Variants in ATP8A2 observed in about 807,000 individuals in gnomAD.
ATP8A2 encodes the protein ATPase phospholipid transporting 8A2.
Under a neutral mutation model 165.6 loss-of-function variants are expected in ATP8A2, and 100 were observed. That is an observed-to-expected ratio of 0.60 (90% CI 0.51 to 0.71). The LOEUF is 0.71. Ranked by LOEUF, ATP8A2 falls within the 30% of genes least tolerant of loss-of-function variation. ATP8A2 has a pLI of 0.00. For synonymous variants in ATP8A2, 543 were observed against 548.8 expected, an observed-to-expected ratio of 0.99 and a Z score of 0.15; for missense variants, 1,227 against 1,479.5, an observed-to-expected ratio of 0.83 and a Z score of 2.80.
intron 27 of ATP8A2, among the ~76,000 whole-genome samples, chr13:25,814,620 TAAAAAA>T (rs3981881): frequency 7.7e-6 from 1 of 129,614 alleles, no homozygotes; most frequent in Non-Finnish European, 1.6e-5. Flanking sequence ...AGCATTCAAT[TAAAAAA>T]AAAAAAAAAA....
chr13:25,890,583 A>G (rs1953327005), intron 33 of ATP8A2, among the ~76,000 whole-genome samples: 2 of 152,238 alleles, frequency 1.3e-5, no homozygotes, highest in Admixed American at 6.5e-5. Context: ...TAAAGTCTCT[A>G]TCAGACAGAA....
chr13:25,468,135 A>G (rs1258249171), intron 1 of ATP8A2, among the ~76,000 whole-genome samples: 1 of 152,188 alleles, frequency 6.6e-6, no homozygotes, highest in Non-Finnish European at 1.5e-5. Context: ...CTCTAGGTCT[A>G]GGCTGGAACG....
intron 33 of ATP8A2, among the ~76,000 whole-genome samples, chr13:25,908,617 T>C (rs534953852): frequency 1.3e-5 from 2 of 152,344 alleles, no homozygotes; most frequent in African/African-American, 4.8e-5. Flanking sequence ...AGTTGCTGAA[T>C]GGTGACTTCA....
chr13:25,875,667 GAAT>G (rs1952803085), intron 33 of ATP8A2, among the ~76,000 whole-genome samples: 2 of 149,508 alleles, frequency 1.3e-5, no homozygotes, highest in African/African-American at 5.1e-5. Flanking sequence ...TTCACCCAAA[GAAT>G]GATAGACACT....
At chr13:25,452,308 C>G (rs12875193) in intron 1 of ATP8A2, among the ~76,000 whole-genome samples, 1 of 152,308 alleles carries the variant, frequency 6.6e-6, no homozygotes, top group East Asian at 1.9e-4. Flanking sequence ...ACGGGCTGAG[C>G]GCACACAGAG....
chr13:25,866,584 C>A (rs1000663240), intron 33 of ATP8A2, among the ~76,000 whole-genome samples: 1 of 152,080 alleles, frequency 6.6e-6, no homozygotes, highest in Admixed American at 6.5e-5. Context: ...CCCCACCCCC[C>A]AAAAATATGT....
chr13:25,801,550 G>A lies in ATP8A2; in HGVS notation c.2680-26568G>A, dbSNP rs1950622006. 2.0e-5 allele frequency among the ~76,000 whole-genome samples: 3 copies of A among 152,154 alleles called. No homozygotes were observed. The South Asian group carries it at 6.2e-4, about 32-fold the overall frequency. ...CCAGAAGTTTCCAAATGATCAGAGA[G>A]GAACTGCTTCTGGGTACTCCTCCTT... On this transcript the variant is annotated intron_variant, in intron 27 of 36. Coordinates refer to ENST00000381655, the MANE Select transcript of ATP8A2 (RefSeq NM_016529.6).
rs74042208 is a variant in ATP8A2, at chr13:25,931,607, C to T, written c.3184-29968C>T. Among the ~76,000 whole-genome samples the T allele has an allele frequency of 7.1e-3, 1,078 of 152,220 alleles. 10 individuals are homozygous for T. The highest frequency in any genetic ancestry group is 0.023 in the African/African-American group (937 of 41,532). On this transcript the variant is annotated intron_variant, in intron 33 of 36. Coordinates refer to ENST00000381655, the MANE Select transcript of ATP8A2 (RefSeq NM_016529.6). ...CTGTGATGGTGGGTGCTCTGCCCGT[C>T]GTGAGGCTGAGAGCACTGAACAGTC...
chr13:25,399,900 A>ATTCTTCTCCTCC lies in ATP8A2; in HGVS notation c.76+27615_76+27626dup, dbSNP rs74222346. Reference sequence around the variant, plus strand: ...TCCTCTTCCTCCTCCTCCTCCTCTTATTCTTCTCCTCCTTTTTCTTCTTCC... The same window carrying ATTCTTCTCCTCC: ...TCCTCTTCCTCCTCCTCCTCCTCTTATTCTTCTCCTCCTTCTTCTCCTCCTTTTTCTTCTTCC... On this transcript the variant is annotated intron_variant, in intron 1 of 36. Transcript: ENST00000381655. Among the ~76,000 whole-genome samples, 19 of 143,468 alleles carry ATTCTTCTCCTCC rather than the reference A, an allele frequency of 1.3e-4. 1 individual carries two copies. The highest frequency in any genetic ancestry group is 5.0e-4 in the Admixed American group (7 of 14,088). 94.1% of individuals were successfully genotyped at this position (143,468 alleles called of 152,430 possible).
chr13:25,466,258 G>GT lies in ATP8A2; in HGVS notation c.77-2711dup, dbSNP rs1303790492. ...CAGTTTGGACCCTCAGGGTTGATTT[G>GT]TTTTTTTTAGTTGGCCCTGATACAA... On this transcript the variant is annotated intron_variant, in intron 1 of 36. Transcript: ENST00000381655. Among the ~76,000 whole-genome samples, 4 of 151,856 alleles carry GT rather than the reference G, an allele frequency of 2.6e-5. No individual in the cohort carries two copies. The East Asian group carries it at 5.8e-4, about 22-fold the overall frequency.
intron 35 of ATP8A2, among the ~76,000 whole-genome samples, chr13:25,983,605 A>G (rs960617731): frequency 6.6e-6 from 1 of 152,188 alleles, no homozygotes; most frequent in Non-Finnish European, 1.5e-5. Context: ...TCAGGGGTCA[A>G]CTTGGATAAA....
chr13:25,623,155 G>A (rs7331223), intron 24 of ATP8A2, among the ~76,000 whole-genome samples: 5,509 of 152,254 alleles, frequency 0.036, 340 homozygotes, highest in African/African-American at 0.13. Flanking sequence ...AGGCCAAGGC[G>A]GGAGGATCGC....
intron 2 of ATP8A2, among the ~76,000 whole-genome samples, chr13:25,512,532 G>C (rs1382302912): frequency 6.7e-6 from 1 of 149,676 alleles, no homozygotes; most frequent in Non-Finnish European, 1.5e-5. Context: ...CCTCCCTCCC[G>C]GACGGGGCGG....
At chr13:25,394,234 G>T (rs984192680) in intron 1 of ATP8A2, among the ~76,000 whole-genome samples, 1 of 152,192 alleles carries the variant, frequency 6.6e-6, no homozygotes, top group African/African-American at 2.4e-5. Context: ...ATGTCTGCCT[G>T]TTCTGGCCAT....
chr13:25,806,707 T>C (rs149789306), intron 27 of ATP8A2, among the ~76,000 whole-genome samples: 1 of 152,104 alleles, frequency 6.6e-6, no homozygotes, highest in Non-Finnish European at 1.5e-5. Flanking sequence ...GTGGAATTGG[T>C]GAGTCATAAT....
chr13:25,768,245 G>GCACTTCATTATCATGAATACC (rs941359696), intron 25 of ATP8A2, among the ~76,000 whole-genome samples: 1 of 152,060 alleles, frequency 6.6e-6, no homozygotes, highest in African/African-American at 2.4e-5. Flanking sequence ...CTCTGAATAA[G>GCACTTCATTATCATGAATACC]CACTTCATTA....
At chr13:25,923,406 A>G (rs1355182857) in intron 33 of ATP8A2, among the ~76,000 whole-genome samples, 1 of 152,240 alleles carries the variant, frequency 6.6e-6, no homozygotes, top group Non-Finnish European at 1.5e-5. Context: ...GGGCCAGGCT[A>G]AGTGCTAAGA....
At chr13:25,451,933 T>C (rs1012868916) in intron 1 of ATP8A2, among the ~76,000 whole-genome samples, 7 of 151,782 alleles carry the variant, frequency 4.6e-5, no homozygotes, top group East Asian at 1.9e-4. Context: ...CGGCTCACTG[T>C]GACCTCCGCC....
At chr13:25,570,402 A>G (rs2039431768) in intron 16 of ATP8A2, among the ~76,000 whole-genome samples, 1 of 152,074 alleles carries the variant, frequency 6.6e-6, no homozygotes, top group Non-Finnish European at 1.5e-5. Flanking sequence ...GTGAAGTGCA[A>G]GCATGTGGGG....
Sources: gnomAD v4.1 joint callset for allele counts (sites outside exome capture counted in the v4.1 genomes callset) on GRCh38, gnomAD v4.1.1 for gene constraint, MANE v1.5 for transcripts, NCBI Gene and HGNC (gene_info 2026-07-23, HGNC 2026-07-21) for gene names.